Variants in PHC2 observed in about 807,000 individuals in gnomAD.
PHC2 encodes the protein polyhomeotic homolog 2, also known as polyhomeotic-like protein 2.
In PHC2, 29 loss-of-function variants were observed where a neutral mutation model predicts 87.4. That is an observed-to-expected ratio of 0.33 (90% CI 0.25 to 0.45). The LOEUF (loss-of-function observed/expected upper bound fraction) is 0.45. PHC2 is among the 20% of genes least tolerant of loss of function. The probability of loss-of-function intolerance (pLI) is 1.00; values close to 1 mark genes in which losing one functional copy is unlikely to be tolerated. For synonymous variants in PHC2, 438 were observed against 461.7 expected, an observed-to-expected ratio of 0.95 and a Z score of 0.66; for missense variants, 857 against 1,136.7, an observed-to-expected ratio of 0.75 and a Z score of 3.54.
chr1:33,329,969 G>T, intron 13 of PHC2, 102 bp downstream of exon 13: 1 of 1,277,402 alleles, frequency 7.8e-7, no homozygotes, highest in Non-Finnish European at 1.1e-6. Flanking sequence ...ACAGCAGAGT[G>T]CGCTGAAGTC....
At position 33,346,535 on chromosome 1, in the gene PHC2, G is replaced by C. The variant is rs978225066; in HGVS notation, c.1558+7866C>G. 8 of 984,972 alleles carry C rather than the reference G, an allele frequency of 8.1e-6. No homozygotes were observed. The African/African-American group carries it at 1.2e-4, about 15-fold the overall frequency. The allele number at this position is 984,972 out of a possible 1,614,324, so 61.0% of individuals were successfully genotyped here. A position where few individuals can be genotyped will look rare whatever the true frequency, so the allele number is the denominator to read the frequency against. On this transcript the variant is annotated intron_variant, in intron 9 of 14. Coordinates refer to ENST00000683057, the MANE Select transcript of PHC2 (RefSeq NM_001385109.1). ...CTGGAGATTAAATATTGAACAGCTG[G>C]GAGAAGTTTAATATAAATTTAGACT...
In PHC2 at chr1:33,349,454, CGA is replaced by C; in HGVS notation, c.1558+4945_1558+4946del. 2.0e-6 allele frequency: 2 copies of C among 985,186 alleles called. No homozygotes were observed. The highest frequency in any genetic ancestry group is 2.4e-6 in the Non-Finnish European group (2 of 829,842). 61.0% of individuals were successfully genotyped at this position (985,186 alleles called of 1,614,324 possible). A position where few individuals can be genotyped will look rare whatever the true frequency, so the allele number is the denominator to read the frequency against. On this transcript the variant is annotated intron_variant, in intron 9 of 14. Transcript: ENST00000683057. The surrounding 1 kb of genome is among the most constrained non-coding windows in gnomAD (Gnocchi z 4.2). ...GGGCACCTCCCAGGCGCCGCGCGGA[CGA>C]GAGCCGCGACTGGCACGGCCTGGCA...
chr1:33,376,768 T>A (rs1433076249), intron 1 of PHC2, among the ~76,000 whole-genome samples: 1 of 151,970 alleles, frequency 6.6e-6, no homozygotes, highest in Non-Finnish European at 1.5e-5. Context: ...ATCTTTACTA[T>A]AAATACAAAA....
intron 7 of PHC2, chr1:33,363,702 C>T (rs1647270609): frequency 1.0e-6 from 1 of 966,840 alleles, no homozygotes; most frequent in African/African-American, 1.8e-5. Flanking sequence ...TTTATCACAG[C>T]ATATCCCTCC....
intron 1 of PHC2, among the ~76,000 whole-genome samples, chr1:33,407,297 T>C (rs1649803930): frequency 6.6e-6 from 1 of 152,246 alleles, no homozygotes; most frequent in African/African-American, 2.4e-5. Flanking sequence ...GGGTATCTTG[T>C]TATTCTGTGA....
chr1:33,389,608 C>G (rs1193612196), intron 1 of PHC2, among the ~76,000 whole-genome samples: 1 of 152,108 alleles, frequency 6.6e-6, no homozygotes, highest in Non-Finnish European at 1.5e-5. Flanking sequence ...TCCAGAGTCC[C>G]CTGGGCCTAG....
At position 33,349,499 on chromosome 1, in the gene PHC2, C is replaced by T. The variant is rs1646915804; in HGVS notation, c.1558+4902G>A. The T allele has an allele frequency of 1.0e-6, 1 of 985,172 alleles. No individual in the cohort carries two copies. Among genetic ancestry groups the T allele is most frequent in the Non-Finnish European group, 1.2e-6 (1 of 829,854 alleles). The allele number at this position is 985,172 out of a possible 1,614,324, so 61.0% of individuals were successfully genotyped here. On this transcript the variant is annotated intron_variant, in intron 9 of 14. Coordinates refer to ENST00000683057, the MANE Select transcript of PHC2 (RefSeq NM_001385109.1). The surrounding 1 kb of genome is among the most constrained non-coding windows in gnomAD (Gnocchi z 4.2). ...GCCTGGCAGCCGCGTAGGCCCGGGC[C>T]GTTAGGGGCACCGAGGGCGGTGCCC...
intron 1 of PHC2, among the ~76,000 whole-genome samples, chr1:33,406,826 A>T (rs1649783178): frequency 6.6e-6 from 1 of 152,156 alleles, no homozygotes; most frequent in Non-Finnish European, 1.5e-5. Flanking sequence ...TCAATTAAGG[A>T]AAATTCTCTG....
intron 1 of PHC2, among the ~76,000 whole-genome samples, chr1:33,427,071 G>C (rs1650703719): frequency 6.6e-6 from 1 of 152,222 alleles, no homozygotes; most frequent in Non-Finnish European, 1.5e-5. Flanking sequence ...GAAAGCTTTA[G>C]AGTCTGAGCT....
rs1570471183 is a variant in PHC2 at position 33,349,930 on chromosome 1, T to C, written c.1558+4471A>G. 2 of 598,800 alleles carry C rather than the reference T, an allele frequency of 3.3e-6. No individual in the cohort carries two copies. The highest frequency in any genetic ancestry group is 4.1e-6 in the Non-Finnish European group (2 of 486,066). The allele number at this position is 598,800 out of a possible 1,614,324, so 37.1% of individuals were successfully genotyped here. ...GTCTGGGACGGCTCCCGCGGCCGCC[T>C]CCGCCGGGGGCGGGGCGAGGGAGCG... On this transcript the variant is annotated intron_variant, in intron 9 of 14. Coordinates refer to ENST00000683057, the MANE Select transcript of PHC2 (RefSeq NM_001385109.1). The surrounding 1 kb of genome is among the most constrained non-coding windows in gnomAD (Gnocchi z 4.2).
At chr1:33,344,597 C>A (rs1646810777) in intron 9 of PHC2, among the ~76,000 whole-genome samples, 1 of 152,060 alleles carries the variant, frequency 6.6e-6, no homozygotes, top group African/African-American at 2.4e-5. Flanking sequence ...TGGATTTAAT[C>A]AAATTTTTTT....
At chr1:33,421,962 T>A (rs1650452200) in intron 1 of PHC2, among the ~76,000 whole-genome samples, 1 of 152,168 alleles carries the variant, frequency 6.6e-6, no homozygotes, top group Non-Finnish European at 1.5e-5. Context: ...CACCATAAAG[T>A]CCAAATTCCT....
chr1:33,347,454 A>G (rs918579483), intron 9 of PHC2: 31 of 985,204 alleles, frequency 3.1e-5, no homozygotes, highest in Non-Finnish European at 3.5e-5. Flanking sequence ...AAGGTAAATT[A>G]AAAATTAACC....
At chr1:33,346,248 G>GTGGC in intron 9 of PHC2, 1 of 284,162 alleles carries the variant, frequency 3.5e-6, no homozygotes, top group Non-Finnish European at 5.1e-6. Flanking sequence ...GGGAGGGTGG[G>GTGGC]CAGGCTCAGA....
At chr1:33,357,981 T>TG (rs1164536917) in intron 7 of PHC2, among the ~76,000 whole-genome samples, 1 of 152,202 alleles carries the variant, frequency 6.6e-6, no homozygotes, top group Non-Finnish European at 1.5e-5. Flanking sequence ...CCCCACTACT[T>TG]GCTGGCTGTG....
chr1:33,343,279 G>C (rs1437539204), intron 9 of PHC2, among the ~76,000 whole-genome samples: 1 of 151,708 alleles, frequency 6.6e-6, no homozygotes, highest in Non-Finnish European at 1.5e-5. Context: ...TGGTCAACAT[G>C]GTGAAACCCT....
At chr1:33,343,785 A>G (rs2148244271) in intron 9 of PHC2, among the ~76,000 whole-genome samples, 1 of 152,224 alleles carries the variant, frequency 6.6e-6, no homozygotes, top group African/African-American at 2.4e-5. Context: ...GAGGTATCTG[A>G]GGTTTGTGTT....
intron 1 of PHC2, among the ~76,000 whole-genome samples, chr1:33,405,588 A>AT (rs557319346): frequency 2.7e-4 from 41 of 151,880 alleles, no homozygotes; most frequent in African/African-American, 9.7e-4. Flanking sequence ...TGTCTTTATT[A>AT]TTTCTTTCCT....
chr1:33,375,573 T>G lies in PHC2; in HGVS notation c.-34A>C. The G allele has an allele frequency of 2.1e-6, 3 of 1,451,558 alleles. No individual in the cohort carries two copies. Among genetic ancestry groups the G allele is most frequent in the Non-Finnish European group, 2.8e-6 (3 of 1,090,270 alleles). The allele number at this position is 1,451,558 out of a possible 1,614,324, so 89.9% of individuals were successfully genotyped here. A position where few individuals can be genotyped will look rare whatever the true frequency, so the allele number is the denominator to read the frequency against. Reference sequence around the variant, plus strand: ...GTGTGGCGCAGTCAGGGCGCTCGGATGGCAGAAGGGCAGGCAGATGCTAGG... The same window carrying G: ...GTGTGGCGCAGTCAGGGCGCTCGGAGGGCAGAAGGGCAGGCAGATGCTAGG... On this transcript the variant is annotated 5_prime_UTR_variant, in exon 2 of 15. Coordinates refer to ENST00000683057, the MANE Select transcript of PHC2 (RefSeq NM_001385109.1).
Sources: gnomAD v4.1 joint callset for allele counts (sites outside exome capture counted in the v4.1 genomes callset) on GRCh38, gnomAD v4.1.1 for gene constraint, Gnocchi (gnomAD v3.1) non-coding constraint, MANE v1.5 for transcripts, NCBI Gene and HGNC (gene_info 2026-07-23, HGNC 2026-07-21) for gene names.